The following NUFIP1 variants were observed in gnomAD, a reference collection of about 807,000 sequenced individuals.
The protein encoded by NUFIP1 is nuclear FMR1 interacting protein 1, also known as FMR1-interacting protein NUFIP1.
In NUFIP1, 38 loss-of-function variants were observed where a neutral mutation model predicts 56.2. The observed-to-expected ratio is 0.68, with a 90% CI of 0.52 to 0.89. The LOEUF is 0.89. Among genes scored for constraint, NUFIP1 ranks in the 40% least tolerant of loss-of-function variants. NUFIP1 has a pLI of 0.00. For missense variants in NUFIP1, 567 were observed against 605.8 expected, an observed-to-expected ratio of 0.94 and a Z score of 0.67; for synonymous variants, 215 against 212.4, an observed-to-expected ratio of 1.01 and a Z score of -0.10.
chr13:44,959,379 A>G lies in NUFIP1; in HGVS notation c.1021+2T>C, dbSNP rs1490838204. 1.2e-6 allele frequency: 2 copies of G among 1,611,888 alleles called. No individual in the cohort carries two copies. Among genetic ancestry groups the G allele is most frequent in the Non-Finnish European group, 8.5e-7 (1 of 1,179,218 alleles). On this transcript the variant is annotated splice_donor_variant, in intron 7 of 9. Transcript: ENST00000379161. LOFTEE classifies it high-confidence loss of function. ...AATACGTTATTTTCCTGTTTAGCTT[A>G]CCAGAATCACTGTTTATCAAAACAC...
At chr13:44,979,862 A>G (rs1872124046) in intron 4 of NUFIP1, 28 bp downstream of exon 4, 1 of 1,529,680 alleles carries the variant, frequency 6.5e-7, no homozygotes, top group Non-Finnish European at 8.9e-7. Flanking sequence ...GCATGTATTT[A>G]AAAATAGGAT....
intron 7 of NUFIP1, among the ~76,000 whole-genome samples, chr13:44,952,004 C>T (rs933825521): frequency 6.6e-6 from 1 of 152,108 alleles, no homozygotes; most frequent in Non-Finnish European, 1.5e-5. Flanking sequence ...TAGGTATCAG[C>T]CTCGCATTTC....
rs187313508 is a variant in NUFIP1, at chr13:44,964,303, C to T, written c.827+1541G>A. ...CACCATTAAGAACTTCTGTTTCTGG[C>T]CAAAATAAAGTAACAGGGACTGAAT... On this transcript the variant is annotated intron_variant, in intron 6 of 9. Transcript: ENST00000379161. 1.0e-3 allele frequency among the ~76,000 whole-genome samples: 153 copies of T among 152,090 alleles called. No individual in the cohort carries two copies. In the South Asian group the frequency reaches 0.021, roughly 21 times the overall value.
At chr13:44,955,233 A>C (rs1027144202) in intron 7 of NUFIP1, among the ~76,000 whole-genome samples, 3 of 152,246 alleles carry the variant, frequency 2.0e-5, no homozygotes, top group Non-Finnish European at 4.4e-5. Flanking sequence ...AAGGAAATCT[A>C]ATGACAGACA....
chr13:44,984,009 C>A (rs945653089), intron 1 of NUFIP1, among the ~76,000 whole-genome samples: 1 of 152,160 alleles, frequency 6.6e-6, no homozygotes, highest in Non-Finnish European at 1.5e-5. Context: ...GGGACTAAGA[C>A]AGCTTCCTAG....
chr13:44,968,797 C>T (rs1326478345), intron 5 of NUFIP1, among the ~76,000 whole-genome samples: 1 of 152,116 alleles, frequency 6.6e-6, no homozygotes, highest in Non-Finnish European at 1.5e-5. Context: ...CAGTGTACTA[C>T]GTACCAGAGA....
chr13:44,984,946 G>A (rs990744683), intron 1 of NUFIP1, among the ~76,000 whole-genome samples: 1 of 152,272 alleles, frequency 6.6e-6, no homozygotes, highest in Admixed American at 6.5e-5. Flanking sequence ...ATCTATGAGA[G>A]AGAACATGTG....
At chr13:44,960,889 C>T (rs557780373) in intron 6 of NUFIP1, among the ~76,000 whole-genome samples, 1 of 151,934 alleles carries the variant, frequency 6.6e-6, no homozygotes, top group Non-Finnish European at 1.5e-5. Flanking sequence ...TTCGTCTCTA[C>T]TAAAATACAA....
intron 8 of NUFIP1, among the ~76,000 whole-genome samples, chr13:44,946,619 G>A (rs1033735796): frequency 1.3e-5 from 2 of 152,128 alleles, no homozygotes; most frequent in Non-Finnish European, 2.9e-5. Context: ...CACTTTCCTT[G>A]TTTAAATATC....
chr13:44,978,009 A>T (rs1439791910), intron 5 of NUFIP1, among the ~76,000 whole-genome samples: 1 of 152,198 alleles, frequency 6.6e-6, no homozygotes, highest in Non-Finnish European at 1.5e-5. Context: ...AGATTGCGCC[A>T]CTGCACTCCA....
chr13:44,972,644 A>G (rs1321966208), intron 5 of NUFIP1, among the ~76,000 whole-genome samples: 1 of 152,202 alleles, frequency 6.6e-6, no homozygotes, highest in Non-Finnish European at 1.5e-5. Context: ...TACAATATAC[A>G]TTAAGATAAA....
At chr13:44,944,127 TAAG>T (rs367558253) in intron 8 of NUFIP1, among the ~76,000 whole-genome samples, 40 of 152,318 alleles carry the variant, frequency 2.6e-4, no homozygotes, top group Admixed American at 9.1e-4. Context: ...AAGGAATATG[TAAG>T]TAGTATACAC....
chr13:44,943,354 AC>A, intron 9 of NUFIP1, 87 bp downstream of exon 9: 1 of 938,390 alleles, frequency 1.1e-6, no homozygotes, highest in Admixed American at 2.6e-5. Flanking sequence ...TAAAACAAAC[AC>A]ACACACACAC....
chr13:44,978,423 A>C (rs1338037011), intron 5 of NUFIP1, among the ~76,000 whole-genome samples: 1 of 152,050 alleles, frequency 6.6e-6, no homozygotes, highest in Non-Finnish European at 1.5e-5. Flanking sequence ...AGAGCAGTTG[A>C]CTTTAAAAGT....
At chr13:44,948,540 T>C (rs536594366) in intron 8 of NUFIP1, among the ~76,000 whole-genome samples, 2 of 152,340 alleles carry the variant, frequency 1.3e-5, no homozygotes, top group African/African-American at 4.8e-5. Flanking sequence ...ACACATCTTG[T>C]CCTGAGACAT....
At chr13:44,943,400 T>C (rs2137889684) in intron 9 of NUFIP1, 42 bp downstream of exon 9, 3 of 1,547,460 alleles carry the variant, frequency 1.9e-6, no homozygotes, top group Non-Finnish European at 1.8e-6. Flanking sequence ...ATCTTTATGA[T>C]GTGAGAACAC....
rs1871580854 is a variant in NUFIP1, at chr13:44,965,871, C to A, written c.800G>T (p.Gly267Val). 2 of 1,600,400 alleles carry A rather than the reference C, an allele frequency of 1.2e-6. No homozygotes were observed. Among genetic ancestry groups the A allele is most frequent in the Non-Finnish European group, 1.7e-6 (2 of 1,174,722 alleles). The change falls in exon 6 of 10, where the codon GGA (glycine) becomes GTA (valine). Residue 267 changes from glycine to valine, a missense_variant. Physicochemically the swap from Gly to Val is moderately radical, Grantham distance 109 (BLOSUM62 -3). Coordinates refer to ENST00000379161, the MANE Select transcript of NUFIP1 (RefSeq NM_012345.3). ...ATATTGTGTTGTTGTCAATACTGCT[C>A]CTCTCTTCTCCTTTTCAAGTTTTAA... ...KKLKLEKEKR[G>V]AVLTTTQYGK...
At chr13:44,968,282 A>AT (rs1423454045) in intron 5 of NUFIP1, among the ~76,000 whole-genome samples, 4 of 152,184 alleles carry the variant, frequency 2.6e-5, no homozygotes, top group Non-Finnish European at 5.9e-5. Context: ...ATCTAAGGTT[A>AT]TAAGAAGTAG....
chr13:44,969,880 C>T (rs760674438), intron 5 of NUFIP1, among the ~76,000 whole-genome samples: 1 of 152,176 alleles, frequency 6.6e-6, no homozygotes, highest in Non-Finnish European at 1.5e-5. Flanking sequence ...TCTTCCCACT[C>T]TCATTAAACC....
Sources: gnomAD v4.1 joint callset for allele counts (sites outside exome capture counted in the v4.1 genomes callset) on GRCh38, gnomAD v4.1.1 for gene constraint, MANE v1.5 for transcripts, NCBI Gene and HGNC (gene_info 2026-07-23, HGNC 2026-07-21) for gene names.